PARD3: variants seen among roughly 807,000 people sequenced by gnomAD.
PARD3 encodes par-3 family cell polarity regulator, also known as partitioning defective 3 homolog.
A neutral mutation model predicts 155.4 loss-of-function variants in PARD3; 75 were observed. The observed-to-expected ratio is 0.48, with a 90% confidence interval of 0.40 to 0.58. PARD3 has a LOEUF of 0.58. PARD3 is among the 20% of genes least tolerant of loss of function. PARD3 has a pLI of 0.00. For missense variants in PARD3, 1,642 were observed against 1,721.7 expected (o/e 0.95, Z 0.82); for synonymous variants, 576 against 610.5 (o/e 0.94, Z 0.83).
chr10:34,204,622 C>G (rs965161073), intron 22 of PARD3, among the ~76,000 whole-genome samples: 2 of 152,132 alleles, frequency 1.3e-5, no homozygotes. Flanking sequence ...GTTGGCTACT[C>G]CTGGATGCCC....
intron 1 of PARD3, among the ~76,000 whole-genome samples, chr10:34,791,280 G>A (rs1314189754): frequency 6.6e-6 from 1 of 152,152 alleles, no homozygotes; most frequent in Non-Finnish European, 1.5e-5. Context: ...GTCCCAGGTA[G>A]AAGCCACTGG....
At chr10:34,459,894 G>A (rs2077539574) in intron 4 of PARD3, among the ~76,000 whole-genome samples, 1 of 152,060 alleles carries the variant, frequency 6.6e-6, no homozygotes, top group Non-Finnish European at 1.5e-5. Context: ...AGAAGAATTG[G>A]GTAATTTCTG....
chr10:34,623,190 T>C (rs2091794011), intron 2 of PARD3, among the ~76,000 whole-genome samples: 1 of 152,154 alleles, frequency 6.6e-6, no homozygotes, highest in South Asian at 2.1e-4. Context: ...AAAATGATAC[T>C]TTCACGGCTG....
At chr10:34,556,922 A>G (rs2085052089) in intron 2 of PARD3, among the ~76,000 whole-genome samples, 1 of 152,130 alleles carries the variant, frequency 6.6e-6, no homozygotes, top group South Asian at 2.1e-4. Flanking sequence ...AGACACATAG[A>G]TATACCTGAT....
chr10:34,795,273 G>A (rs768610597), intron 1 of PARD3, among the ~76,000 whole-genome samples: 59 of 152,292 alleles, frequency 3.9e-4, no homozygotes, highest in East Asian at 9.7e-4. Flanking sequence ...TTAAAATCAC[G>A]GCAGGTCCGG....
At chr10:34,235,307 C>A (rs529571455) in intron 22 of PARD3, among the ~76,000 whole-genome samples, 1 of 152,146 alleles carries the variant, frequency 6.6e-6, no homozygotes, top group Non-Finnish European at 1.5e-5. Context: ...GCTGAAGCAT[C>A]GGAGAGATTT....
chr10:34,203,992 T>C (rs1440901689), intron 22 of PARD3, among the ~76,000 whole-genome samples: 2 of 152,218 alleles, frequency 1.3e-5, no homozygotes, highest in Non-Finnish European at 1.5e-5. Flanking sequence ...CAGTGGCAGC[T>C]AGATTGTAGT....
At chr10:34,232,348 C>G (rs779841095) in intron 22 of PARD3, among the ~76,000 whole-genome samples, 5 of 152,054 alleles carry the variant, frequency 3.3e-5, no homozygotes, top group Non-Finnish European at 7.3e-5. Flanking sequence ...TTGAAAAGGT[C>G]ACAGTAACAT....
rs114497161 is a variant in PARD3 at position 34,515,431 on chromosome 10, T to C, written c.403+1548A>G. Among the ~76,000 whole-genome samples, 461 of 152,364 alleles carry C rather than the reference T, an allele frequency of 3.0e-3. 1 individual carries two copies. The highest frequency in any genetic ancestry group is 0.01 in the African/African-American group (434 of 41,586). On this transcript the variant is annotated intron_variant, in intron 3 of 24. Coordinates refer to ENST00000374788, the MANE Select transcript of PARD3 (RefSeq NM_001184785.2). ...GTATCCTTGGAAACATCTGTCATTG[T>C]ATCTGAGTCCGATCTTGTCTGGATG...
chr10:34,449,391 T>C (rs540254545), intron 5 of PARD3, among the ~76,000 whole-genome samples: 1 of 143,788 alleles, frequency 7.0e-6, no homozygotes, highest in East Asian at 2.0e-4. Flanking sequence ...AAAAACCCAT[T>C]GTGAGTCAAT....
At chr10:34,795,434 G>C (rs1420994503) in intron 1 of PARD3, among the ~76,000 whole-genome samples, 2 of 151,686 alleles carry the variant, frequency 1.3e-5, no homozygotes, top group African/African-American at 2.4e-5. Context: ...AACATAGTAT[G>C]ACCCTATCTC....
At chr10:34,747,999 G>T (rs962125328) in intron 1 of PARD3, among the ~76,000 whole-genome samples, 8 of 152,156 alleles carry the variant, frequency 5.3e-5, no homozygotes, top group Non-Finnish European at 1.2e-4. Context: ...CAGCCATGGA[G>T]CAGAGAGGGA....
intron 5 of PARD3, among the ~76,000 whole-genome samples, chr10:34,428,849 T>A (rs1405258574): frequency 6.6e-6 from 1 of 152,134 alleles, no homozygotes; most frequent in Admixed American, 6.5e-5. Flanking sequence ...CACACAAATA[T>A]ATACACACAT....
chr10:34,371,422 G>A (rs1191528229), intron 12 of PARD3, among the ~76,000 whole-genome samples: 1 of 132,568 alleles, frequency 7.5e-6, no homozygotes, highest in African/African-American at 2.8e-5. Context: ...ATTTATAGGA[G>A]GATCACTTGA....
chr10:34,297,101 C>G (rs1956945445), intron 20 of PARD3, among the ~76,000 whole-genome samples: 1 of 152,076 alleles, frequency 6.6e-6, no homozygotes, highest in South Asian at 2.1e-4. Flanking sequence ...CCCAGAAGTT[C>G]AAGACCAGCC....
chr10:34,746,189 G>A (rs747081103), intron 1 of PARD3, among the ~76,000 whole-genome samples: 5 of 151,844 alleles, frequency 3.3e-5, no homozygotes, highest in Admixed American at 6.6e-5. Context: ...GGCTGGGCAC[G>A]GTGACTCATA....
At chr10:34,521,832 C>T (rs1161315163) in intron 2 of PARD3, among the ~76,000 whole-genome samples, 5 of 152,126 alleles carry the variant, frequency 3.3e-5, no homozygotes, top group Admixed American at 3.3e-4. Context: ...CCTGAAAGCC[C>T]ACAACTGCAT....
At chr10:34,346,969 T>A (rs966889684) in intron 15 of PARD3, among the ~76,000 whole-genome samples, 19 of 152,382 alleles carry the variant, frequency 1.2e-4, no homozygotes, top group Admixed American at 9.8e-4. Context: ...CTCATCTTTG[T>A]ATCTACAGCA....
At chr10:34,797,432 G>A (rs570426688) in intron 1 of PARD3, among the ~76,000 whole-genome samples, 5 of 152,254 alleles carry the variant, frequency 3.3e-5, no homozygotes, top group East Asian at 1.9e-4. Flanking sequence ...AATTACAGGC[G>A]TGAGGCACCG....
Sources: gnomAD v4.1 joint callset for allele counts (sites outside exome capture counted in the v4.1 genomes callset) on GRCh38, gnomAD v4.1.1 for gene constraint, MANE v1.5 for transcripts, NCBI Gene and HGNC (gene_info 2026-07-23, HGNC 2026-07-21) for gene names.